IARS1: variants seen among roughly 807,000 people sequenced by gnomAD.
The protein encoded by IARS1 is isoleucine--tRNA ligase, cytoplasmic.
A neutral mutation model predicts 168.2 loss-of-function variants in IARS1; 124 were observed. The observed-to-expected ratio is 0.74, with a 90% CI of 0.64 to 0.86. IARS1 has a LOEUF of 0.86. IARS1 is among the 40% of genes least tolerant of loss of function. The pLI is 0.00. For synonymous variants in IARS1, 532 were observed against 529.4 expected (o/e 1.00, Z -0.07); for missense variants, 1,452 against 1,515.8 (o/e 0.96, Z 0.70).
intron 30 of IARS1, among the ~76,000 whole-genome samples, chr9:92,236,027 G>C (rs1383646816): frequency 6.6e-6 from 1 of 151,296 alleles, no homozygotes; most frequent in African/African-American, 2.4e-5. Context: ...TGTCGGCCTG[G>C]GCTGGAGTGC....
At chr9:92,291,179 A>T (rs1190274865) in intron 1 of IARS1, among the ~76,000 whole-genome samples, 1 of 152,090 alleles carries the variant, frequency 6.6e-6, no homozygotes, top group East Asian at 1.9e-4. Context: ...ATATTTACTT[A>T]ACAATTCTAA....
At chr9:92,256,892 A>G (rs988656496) in intron 19 of IARS1, 92 bp from the exon 20 acceptor site, 1 of 1,279,076 alleles carries the variant, frequency 7.8e-7, no homozygotes, top group Non-Finnish European at 1.1e-6. Context: ...ACAAAAACAA[A>G]AAGAAAAAAT....
intron 14 of IARS1, among the ~76,000 whole-genome samples, chr9:92,267,481 C>T (rs1039182473): frequency 6.6e-6 from 1 of 152,156 alleles, no homozygotes; most frequent in Non-Finnish European, 1.5e-5. Context: ...TGAGAGGTCC[C>T]AGTAGCTGGA....
chr9:92,230,119 T>A (rs1336502931), intron 30 of IARS1, among the ~76,000 whole-genome samples: 2 of 149,986 alleles, frequency 1.3e-5, no homozygotes, highest in Non-Finnish European at 3.0e-5. Flanking sequence ...TTTCTTTTCT[T>A]TTTTTTTTTG....
chr9:92,253,160 C>T (rs1442329659), intron 21 of IARS1, among the ~76,000 whole-genome samples: 2 of 152,090 alleles, frequency 1.3e-5, no homozygotes, highest in Non-Finnish European at 2.9e-5. Flanking sequence ...GAAAATAATG[C>T]AAAATGACTT....
At chr9:92,276,570 G>T (rs1194244370) in intron 9 of IARS1, among the ~76,000 whole-genome samples, 1 of 152,158 alleles carries the variant, frequency 6.6e-6, no homozygotes, top group Non-Finnish European at 1.5e-5. Flanking sequence ...GCACAAAAGT[G>T]AAAAGGCAGG....
At position 92,272,908 on chromosome 9, in the gene IARS1, G is replaced by A. The variant is rs1424185401; in HGVS notation, c.991-1253C>T. Among the ~76,000 whole-genome samples, 11 of 146,334 alleles carry A rather than the reference G, an allele frequency of 7.5e-5. No individual in the cohort carries two copies. The East Asian group carries it at 2.2e-3, about 30-fold the overall frequency. ...AAAAATTTACCAAATGGTGTTAAAA[G>A]CTATAGTTTAAAGAATGAATCTTCT... On this transcript the variant is annotated intron_variant, in intron 10 of 33. Coordinates refer to ENST00000443024, the MANE Select transcript of IARS1 (RefSeq NM_002161.6).
intron 10 of IARS1, among the ~76,000 whole-genome samples, chr9:92,272,173 T>G (rs950137524): frequency 1.3e-5 from 2 of 152,244 alleles, no homozygotes; most frequent in African/African-American, 2.4e-5. Flanking sequence ...CCAGAGTCTA[T>G]AGTCTTCATC....
chr9:92,259,769 G>A (rs1017233142), intron 18 of IARS1, among the ~76,000 whole-genome samples: 1 of 152,124 alleles, frequency 6.6e-6, no homozygotes, highest in Non-Finnish European at 1.5e-5. Context: ...CTCTAGCATA[G>A]ATATATCTCA....
At position 92,210,538 on chromosome 9, in the gene IARS1, A is replaced by G. The variant is rs1294163870; in HGVS notation, c.*269T>C. 1.3e-5 allele frequency: 4 copies of G among 317,434 alleles called. No homozygotes were observed. The Admixed American group carries it at 1.8e-4, about 14-fold the overall frequency. The allele number at this position is 317,434 out of a possible 1,614,324, so 19.7% of individuals were successfully genotyped here. On this transcript the variant is annotated 3_prime_UTR_variant, in exon 34 of 34. Coordinates refer to ENST00000443024, the MANE Select transcript of IARS1 (RefSeq NM_002161.6). ...TCTATCTTCTGTACTTAAGAACTCA[A>G]GTATAGAAATAAACTGTGGGCTGAA...
chr9:92,218,869 G>A (rs1041126230), intron 33 of IARS1, among the ~76,000 whole-genome samples: 5 of 151,798 alleles, frequency 3.3e-5, no homozygotes, highest in Non-Finnish European at 7.4e-5. Flanking sequence ...TAGATTCAAT[G>A]CCATCCCCAT....
intron 30 of IARS1, among the ~76,000 whole-genome samples, chr9:92,236,723 C>T (rs949499365): frequency 6.6e-5 from 10 of 152,188 alleles, no homozygotes; most frequent in Admixed American, 2.0e-4. Flanking sequence ...GTGTGGCACA[C>T]CTGGAATCCC....
intron 17 of IARS1, among the ~76,000 whole-genome samples, chr9:92,262,328 T>C (rs1167500846): frequency 6.6e-6 from 1 of 152,174 alleles, no homozygotes; most frequent in East Asian, 1.9e-4. Flanking sequence ...CTCTTCCTCC[T>C]CACACAGCAT....
At chr9:92,270,380 T>A (rs1832847947) in intron 12 of IARS1, among the ~76,000 whole-genome samples, 1 of 152,166 alleles carries the variant, frequency 6.6e-6, no homozygotes, top group Non-Finnish European at 1.5e-5. Context: ...ATAAACTCTA[T>A]TACAAAATTT....
Position 92,242,346 on chromosome 9 carries a change from G to GA in IARS1, c.3001-17dup, listed in dbSNP as rs545812051. 1.2e-4 allele frequency: 191 copies of GA among 1,600,570 alleles called. 2 individuals carry two copies. The African/African-American group carries it at 1.9e-3, about 16-fold the overall frequency. Reference sequence around the variant, plus strand: ...CCAGATTGCACTGAAAACACACACAGAAAAATTTAAAAGGGAAGTACATTC... The same window carrying GA: ...CCAGATTGCACTGAAAACACACACAGAAAAAATTTAAAAGGGAAGTACATTC... On this transcript the variant is annotated splice_polypyrimidine_tract_variant and intron_variant, in intron 28 of 33. Transcript: ENST00000443024.
chr9:92,267,135 TTA>T (rs1348258014), intron 14 of IARS1, among the ~76,000 whole-genome samples: 1 of 152,124 alleles, frequency 6.6e-6, no homozygotes, highest in Non-Finnish European at 1.5e-5. Flanking sequence ...GATGCTAGGA[TTA>T]TATCCAGGTA....
At chr9:92,289,451 C>T (rs1211888729) in intron 1 of IARS1, 25 bp from the exon 2 acceptor site, 2 of 966,604 alleles carry the variant, frequency 2.1e-6, no homozygotes, top group Non-Finnish European at 3.4e-6. Flanking sequence ...AAATTTATTA[C>T]TGTCAAAAGA....
chr9:92,282,557 G>A (rs908241950), intron 6 of IARS1, among the ~76,000 whole-genome samples: 7 of 151,968 alleles, frequency 4.6e-5, no homozygotes, highest in Middle Eastern at 3.2e-3. Context: ...GATCGCACAA[G>A]CTCTGGAGTT....
chr9:92,251,118 C>T (rs1829954951), intron 22 of IARS1: 1 of 489,630 alleles, frequency 2.0e-6, no homozygotes, highest in African/African-American at 1.9e-5. Flanking sequence ...TCAATATGCA[C>T]AGAAGACTGA....
Sources: gnomAD v4.1 joint callset for allele counts (sites outside exome capture counted in the v4.1 genomes callset) on GRCh38, gnomAD v4.1.1 for gene constraint, MANE v1.5 for transcripts, NCBI Gene and HGNC (gene_info 2026-07-23, HGNC 2026-07-21) for gene names.